The following CTNNA2 variants were observed in gnomAD, a reference collection of about 807,000 sequenced individuals.
CTNNA2 encodes the protein catenin alpha-2.
Under a neutral mutation model 101.0 loss-of-function variants are expected in CTNNA2, and 42 were observed. That is an observed-to-expected ratio of 0.42 (90% confidence interval 0.32 to 0.54). CTNNA2 has a LOEUF of 0.54. CTNNA2 is among the 20% of genes least tolerant of loss of function. The probability of loss-of-function intolerance (pLI) is 0.14; values close to 1 mark genes in which losing one functional copy is unlikely to be tolerated. For missense variants in CTNNA2, 871 were observed against 1,223.1 expected (o/e 0.71, Z 4.29); for synonymous variants, 450 against 456.4 (o/e 0.99, Z 0.18).
chr2:79,598,602 A>G (rs965917674), intron 1 of CTNNA2, among the ~76,000 whole-genome samples: 2 of 152,202 alleles, frequency 1.3e-5, no homozygotes, highest in African/African-American at 4.8e-5. Flanking sequence ...TCATCTGTAT[A>G]TCTAATTTGG....
At chr2:79,680,124 G>A (rs564870158) in intron 2 of CTNNA2, among the ~76,000 whole-genome samples, 8 of 151,854 alleles carry the variant, frequency 5.3e-5, no homozygotes, top group African/African-American at 7.3e-5. Context: ...ATTGCCTCTC[G>A]GTGGCCACTT....
At chr2:80,054,092 A>G (rs1697056170) in intron 7 of CTNNA2, among the ~76,000 whole-genome samples, 1 of 152,214 alleles carries the variant, frequency 6.6e-6, no homozygotes, top group Admixed American at 6.5e-5. Flanking sequence ...CATAAAGAAA[A>G]TAAAAAGTAC....
At chr2:79,407,607 G>A (rs1221271434) in intron 4 of CTNNA2, among the ~76,000 whole-genome samples, 2 of 151,988 alleles carry the variant, frequency 1.3e-5, no homozygotes, top group African/African-American at 2.4e-5. Context: ...TGAAGAGGAA[G>A]AAGGAGGAGG....
chr2:80,326,441 A>G (rs780412894), intron 7 of CTNNA2, among the ~76,000 whole-genome samples: 3 of 152,080 alleles, frequency 2.0e-5, no homozygotes, highest in South Asian at 2.1e-4. Context: ...ATCTATTTCT[A>G]TACTTAGAAG....
At chr2:80,226,313 C>G (rs1708885479) in intron 7 of CTNNA2, among the ~76,000 whole-genome samples, 1 of 152,184 alleles carries the variant, frequency 6.6e-6, no homozygotes, top group Non-Finnish European at 1.5e-5. Context: ...TGGTTTTAAA[C>G]CGAACTCCTC....
At chr2:79,215,205 T>C (rs1344717993) in intron 2 of CTNNA2, among the ~76,000 whole-genome samples, 7 of 152,124 alleles carry the variant, frequency 4.6e-5, no homozygotes, top group Admixed American at 4.6e-4. Context: ...CCTGCACAGA[T>C]GGGACGTGGC....
intron 7 of CTNNA2, among the ~76,000 whole-genome samples, chr2:80,126,605 TCCCTCCCTCC>T (rs1702125942): frequency 9.0e-5 from 2 of 22,192 alleles, no homozygotes; most frequent in Non-Finnish European, 1.7e-4. Context: ...CCTCCCTCCC[TCCCTCCCTCC>T]CTCCCTCCCT....
chr2:80,308,589 G>A (rs1339039482), intron 7 of CTNNA2, among the ~76,000 whole-genome samples: 2 of 152,130 alleles, frequency 1.3e-5, no homozygotes, highest in East Asian at 3.9e-4. Context: ...GGGGCCCCAA[G>A]GCTGCTCTCA....
At chr2:79,323,151 A>G (rs1676663118) in intron 3 of CTNNA2, among the ~76,000 whole-genome samples, 1 of 152,180 alleles carries the variant, frequency 6.6e-6, no homozygotes, top group Admixed American at 6.5e-5. Context: ...GCCAAACCTG[A>G]TCACAGAGCA....
At chr2:80,575,548 C>T (rs1257119658) in intron 13 of CTNNA2, among the ~76,000 whole-genome samples, 30 of 151,896 alleles carry the variant, frequency 2.0e-4, no homozygotes, top group Admixed American at 2.0e-3. Flanking sequence ...CTTTTAGGCC[C>T]ATAAGAAATT....
intron 7 of CTNNA2, among the ~76,000 whole-genome samples, chr2:80,262,648 G>A (rs779793593): frequency 1.3e-5 from 2 of 152,094 alleles, no homozygotes; most frequent in Non-Finnish European, 2.9e-5. Flanking sequence ...GCATTCCGGG[G>A]TCCTATGGCC....
chr2:80,560,481 A>G (rs1693482881), intron 12 of CTNNA2, among the ~76,000 whole-genome samples: 1 of 152,074 alleles, frequency 6.6e-6, no homozygotes, highest in African/African-American at 2.4e-5. Context: ...GTCATTCAAG[A>G]ATGGGTCGGT....
intron 6 of CTNNA2, among the ~76,000 whole-genome samples, chr2:79,892,738 T>C (rs1684398769): frequency 6.6e-6 from 1 of 152,158 alleles, no homozygotes; most frequent in Non-Finnish European, 1.5e-5. Context: ...CATAGGCCCA[T>C]AAAACTTCAA....
chr2:79,423,462 G>A (rs1678559591), intron 4 of CTNNA2, among the ~76,000 whole-genome samples: 2 of 152,108 alleles, frequency 1.3e-5, no homozygotes, highest in African/African-American at 2.4e-5. Flanking sequence ...AAGCCATTAA[G>A]TTTTGAGGTA....
intron 17 of CTNNA2, among the ~76,000 whole-genome samples, chr2:80,614,791 C>A (rs1030426645): frequency 1.3e-4 from 20 of 151,260 alleles, no homozygotes; most frequent in Admixed American, 1.1e-3. Flanking sequence ...AGAGCAAATC[C>A]AAATACGTTC....
intron 7 of CTNNA2, among the ~76,000 whole-genome samples, chr2:80,045,262 CA>C (rs1409411377): frequency 2.6e-5 from 4 of 152,214 alleles, no homozygotes; most frequent in Admixed American, 2.6e-4. Flanking sequence ...AGGAGACAGA[CA>C]CCTCATCTAT....
chr2:80,252,314 T>C (rs1214364643), intron 7 of CTNNA2, among the ~76,000 whole-genome samples: 1 of 152,170 alleles, frequency 6.6e-6, no homozygotes, highest in Non-Finnish European at 1.5e-5. Context: ...GAAGATAATT[T>C]AAATACTTAC....
At chr2:80,260,167 A>G (rs762883728) in intron 7 of CTNNA2, among the ~76,000 whole-genome samples, 3 of 152,188 alleles carry the variant, frequency 2.0e-5, no homozygotes, top group Non-Finnish European at 4.4e-5. Flanking sequence ...CCAGTATTGA[A>G]ATCTTGACTC....
chr2:79,439,908 ATCCTGAATGACT>A (rs1159735722), intron 4 of CTNNA2, among the ~76,000 whole-genome samples: 1 of 152,194 alleles, frequency 6.6e-6, no homozygotes, highest in East Asian at 1.9e-4. Flanking sequence ...GGCTGTCCTC[ATCCTGAATGACT>A]CTTTCCCTTG....
Sources: gnomAD v4.1 joint callset for allele counts (sites outside exome capture counted in the v4.1 genomes callset) on GRCh38, gnomAD v4.1.1 for gene constraint, MANE v1.5 for transcripts, NCBI Gene and HGNC (gene_info 2026-07-23, HGNC 2026-07-21) for gene names.